The following SMIM3 variants were observed in gnomAD, a reference collection of about 807,000 sequenced individuals.
SMIM3 encodes the protein NGF-induced differentiation clone 67 protein.
In SMIM3, 4 loss-of-function variants were observed where a neutral mutation model predicts 2.1. That is an observed-to-expected ratio of 1.89 (90% confidence interval 0.93 to 4.31). SMIM3 has a LOEUF of 4.31. Among genes scored for constraint, SMIM3 ranks in the 30% most tolerant of loss-of-function variants. SMIM3 has a pLI of 0.01. For missense variants in SMIM3, 79 were observed against 77.7 expected (o/e 1.02, Z -0.06); for synonymous variants, 29 against 30.8 (o/e 0.94, Z 0.19).
chr5:150,780,979 T>A (rs2113197069), intron 1 of SMIM3, among the ~76,000 whole-genome samples: 1 of 152,360 alleles, frequency 6.6e-6, no homozygotes, highest in East Asian at 1.9e-4. Flanking sequence ...TGCCATTTAC[T>A]GAGTACTTAC....
chr5:150,785,145 T>C lies in SMIM3; in HGVS notation c.-12+6173T>C, dbSNP rs1448221122. On this transcript the variant is annotated intron_variant, in intron 1 of 1. Transcript: ENST00000526627. ...CGTTGTTGCCCAGGCTGGAGTGCAG[T>C]GGCACAATCTTGGTTCACTGCAACC... 2.1e-5 allele frequency among the ~76,000 whole-genome samples: 3 copies of C among 144,720 alleles called. No individual in the cohort carries two copies. The Admixed American group carries it at 2.2e-4, about 10-fold the overall frequency. 94.9% of individuals were successfully genotyped at this position (144,720 alleles called of 152,430 possible).
At chr5:150,781,825 A>T (rs1753236712) in intron 1 of SMIM3, among the ~76,000 whole-genome samples, 1 of 152,216 alleles carries the variant, frequency 6.6e-6, no homozygotes, top group South Asian at 2.1e-4. Context: ...CACAGCAGGC[A>T]CTTAGTCACT....
intron 1 of SMIM3, among the ~76,000 whole-genome samples, chr5:150,783,640 G>A (rs1166544897): frequency 2.6e-5 from 4 of 152,206 alleles, no homozygotes; most frequent in Non-Finnish European, 1.5e-5. Context: ...AATTAAGCTT[G>A]CCTGCCAGCA....
chr5:150,788,886 T>C (rs774543480), intron 1 of SMIM3, among the ~76,000 whole-genome samples: 2 of 152,148 alleles, frequency 1.3e-5, no homozygotes, highest in Admixed American at 6.5e-5. Context: ...TTGGTGCTAG[T>C]GGCTTTTCTG....
At chr5:150,788,409 C>T (rs746179097) in intron 1 of SMIM3, among the ~76,000 whole-genome samples, 4 of 151,672 alleles carry the variant, frequency 2.6e-5, no homozygotes, top group Non-Finnish European at 4.4e-5. Context: ...CTGAGGTGGG[C>T]GGATCACTTG....
At chr5:150,789,753 TTG>T (rs1753330317) in intron 1 of SMIM3, among the ~76,000 whole-genome samples, 1 of 152,126 alleles carries the variant, frequency 6.6e-6, no homozygotes, top group African/African-American at 2.4e-5. Flanking sequence ...CATGCAAAGT[TTG>T]TGTGTTATGG....
intron 1 of SMIM3, among the ~76,000 whole-genome samples, chr5:150,793,991 C>A (rs1344885239): frequency 3.3e-5 from 5 of 151,892 alleles, no homozygotes; most frequent in Admixed American, 2.6e-4. Flanking sequence ...CCAAAGAATC[C>A]CATCAAAAAG....
intron 1 of SMIM3, 55 bp downstream of exon 1, chr5:150,779,027 C>G (rs957385608): frequency 4.3e-6 from 2 of 469,330 alleles, no homozygotes; most frequent in African/African-American, 4.0e-5. Flanking sequence ...CGGAGCTCTT[C>G]GGATTCGCGA....
At chr5:150,794,058 CA>C (rs1435747351) in intron 1 of SMIM3, among the ~76,000 whole-genome samples, 2 of 152,032 alleles carry the variant, frequency 1.3e-5, no homozygotes, top group Non-Finnish European at 2.9e-5. Context: ...TGGTCAAAAA[CA>C]TATGAAAAAA....
rs35273478 is a variant in SMIM3 at position 150,785,580 on chromosome 5, C to CTTTTTTT, written c.-12+6622_-12+6628dup. On this transcript the variant is annotated intron_variant, in intron 1 of 1. Transcript: ENST00000526627. ...TCAGCAGATTTACTATATTTCTTTT[C>CTTTTTTT]TTTTTTTTTTTTTTTTTTTTGAAAT... Among the ~76,000 whole-genome samples, 123 of 113,664 alleles carry CTTTTTTT rather than the reference C, an allele frequency of 1.1e-3. 1 individual carries two copies. Among genetic ancestry groups the CTTTTTTT allele is most frequent in the Middle Eastern group, 6.1e-3 (1 of 164 alleles). 74.6% of individuals were successfully genotyped at this position (113,664 alleles called of 152,430 possible).
At chr5:150,787,556 T>C (rs1529476) in intron 1 of SMIM3, among the ~76,000 whole-genome samples, 22,005 of 152,104 alleles carry the variant, frequency 0.14, 2,861 homozygotes, top group African/African-American at 0.34. Flanking sequence ...TGTAGTGTAG[T>C]GGTAAGTAAG....
At chr5:150,779,087 T>C (rs1753205174) in intron 1 of SMIM3, 115 bp downstream of exon 1, 2 of 437,336 alleles carry the variant, frequency 4.6e-6, no homozygotes, top group South Asian at 1.7e-5. Context: ...TTCTTCTTTA[T>C]GTCCGGTCTC....
intron 1 of SMIM3, among the ~76,000 whole-genome samples, chr5:150,795,204 G>C (rs1753389638): frequency 6.6e-6 from 1 of 152,256 alleles, no homozygotes; most frequent in Non-Finnish European, 1.5e-5. Flanking sequence ...TATAGGGCCA[G>C]TGGTTCAAGT....
chr5:150,787,804 TGC>T (rs1400816694), intron 1 of SMIM3, among the ~76,000 whole-genome samples: 5 of 152,320 alleles, frequency 3.3e-5, no homozygotes, highest in African/African-American at 1.2e-4. Flanking sequence ...GTTAAGCAAA[TGC>T]TGGCTCGTGT....
At chr5:150,779,288 C>T (rs1196906417) in intron 1 of SMIM3, among the ~76,000 whole-genome samples, 1 of 152,188 alleles carries the variant, frequency 6.6e-6, no homozygotes, top group Non-Finnish European at 1.5e-5. Context: ...CTGCCCTTGC[C>T]TTCTCGGGAA....
intron 1 of SMIM3, among the ~76,000 whole-genome samples, chr5:150,791,050 C>G (rs1222195769): frequency 6.6e-6 from 1 of 152,060 alleles, no homozygotes; most frequent in African/African-American, 2.4e-5. Flanking sequence ...ATTCAAACGG[C>G]ATAAAATCAT....
chr5:150,793,810 G>T (rs1195744892), intron 1 of SMIM3, among the ~76,000 whole-genome samples: 3 of 152,114 alleles, frequency 2.0e-5, no homozygotes. Context: ...ATAAAACAAA[G>T]ATAAATAGCT....
At position 150,795,465 on chromosome 5, in the gene SMIM3, A is replaced by C. The variant is rs777149434; in HGVS notation, c.25A>C (p.Met9Leu). 6.2e-7 allele frequency: 1 copy of C among 1,613,972 alleles called. No individual in the cohort carries two copies. Among genetic ancestry groups the C allele is most frequent in the Admixed American group, 1.7e-5 (1 of 60,020 alleles). ...CATGGATGCAGTCAGCCAAGTCCCC[A>C]TGGAAGTCGTGCTTCCCAAGCACAT... MDAVSQVP[M>L]EVVLPKHILD... Residue 9 changes from methionine to leucine, a missense_variant, in exon 2 of 2, where the codon ATG (methionine) becomes CTG (leucine). Met to Leu is a conservative substitution (Grantham distance 15, BLOSUM62 2). Coordinates refer to ENST00000526627, the MANE Select transcript of SMIM3 (RefSeq NM_032947.5).
chr5:150,786,585 C>T lies in SMIM3; in HGVS notation c.-12+7613C>T, dbSNP rs1196836598. ...CACAGGTGTGAGCCACCACTTGTAACCTCTATTTGATTCTTTTAAAAAAAT... is the reference window on the plus strand; with the variant it reads ...CACAGGTGTGAGCCACCACTTGTAATCTCTATTTGATTCTTTTAAAAAAAT... On this transcript the variant is annotated intron_variant, in intron 1 of 1. Coordinates refer to ENST00000526627, the MANE Select transcript of SMIM3 (RefSeq NM_032947.5). 3.3e-5 allele frequency among the ~76,000 whole-genome samples: 5 copies of T among 152,180 alleles called. No individual in the cohort carries two copies. In the South Asian group the frequency reaches 1.0e-3, roughly 32 times the overall value.
Sources: allele counts gnomAD v4.1 joint callset (sites outside exome capture counted in the v4.1 genomes callset), GRCh38; gene constraint gnomAD v4.1.1; transcripts MANE v1.5; gene names NCBI Gene and HGNC (gene_info 2026-07-23, HGNC 2026-07-21).